The following FGF18 variants were observed in gnomAD, a reference collection of about 807,000 sequenced individuals.
FGF18 encodes the protein fibroblast growth factor 18.
A neutral mutation model predicts 23.0 loss-of-function variants in FGF18; 5 were observed. That is an observed-to-expected ratio of 0.22 (90% confidence interval 0.11 to 0.46). The LOEUF is 0.46. Ranked by LOEUF, FGF18 falls within the 20% of genes least tolerant of loss-of-function variation. The probability of loss-of-function intolerance (pLI) is 0.99; values close to 1 mark genes in which losing one functional copy is unlikely to be tolerated. For missense variants in FGF18, 180 were observed against 291.6 expected (o/e 0.62, Z 2.79); for synonymous variants, 117 against 118.9 (o/e 0.98, Z 0.10).
intron 2 of FGF18, among the ~76,000 whole-genome samples, chr5:171,427,501 A>T (rs1772109008): frequency 6.6e-6 from 1 of 152,096 alleles, no homozygotes; most frequent in Non-Finnish European, 1.5e-5. Context: ...ACCACTCAAG[A>T]CTGTGTGGCC....
At chr5:171,427,518 G>A (rs1025698615) in intron 2 of FGF18, among the ~76,000 whole-genome samples, 4 of 152,158 alleles carry the variant, frequency 2.6e-5, no homozygotes, top group African/African-American at 7.2e-5. Flanking sequence ...GGCCTTGGGC[G>A]AGGCCCTTAA....
intron 3 of FGF18, among the ~76,000 whole-genome samples, chr5:171,437,883 T>G (rs1362427974): frequency 6.6e-6 from 1 of 152,102 alleles, no homozygotes; most frequent in Non-Finnish European, 1.5e-5. Flanking sequence ...GTCCACGCCC[T>G]GAGACAGGAG....
Position 171,449,079 on chromosome 5 carries a change from T to G in FGF18, c.251-68T>G, listed in dbSNP as rs1038158120. 3.5e-5 allele frequency: 42 copies of G among 1,187,512 alleles called. 1 individual carries two copies. In the Middle Eastern group the frequency reaches 9.5e-4, roughly 27 times the overall value. The allele number at this position is 1,187,512 out of a possible 1,614,324, so 73.6% of individuals were successfully genotyped here. ...AAGATAGGACCAGGGACCATGTCAC[T>G]GAGCCTTTAGACCAAGCCATTGCCC... On this transcript the variant is annotated intron_variant, in intron 3 of 4. Transcript: ENST00000274625.
intron 2 of FGF18, among the ~76,000 whole-genome samples, chr5:171,422,875 A>C (rs1772036953): frequency 6.6e-6 from 1 of 152,122 alleles, no homozygotes; most frequent in Non-Finnish European, 1.5e-5. Flanking sequence ...CTCTCTGTGG[A>C]TCCCCAGAGT....
chr5:171,424,231 T>G (rs1394632899), intron 2 of FGF18, among the ~76,000 whole-genome samples: 1 of 152,218 alleles, frequency 6.6e-6, no homozygotes, highest in Non-Finnish European at 1.5e-5. Flanking sequence ...AACAGAGCCT[T>G]GTCTATTCTG....
intron 2 of FGF18, among the ~76,000 whole-genome samples, chr5:171,433,513 GCCCA>G (rs1252145878): frequency 6.6e-6 from 1 of 152,180 alleles, no homozygotes; most frequent in Non-Finnish European, 1.5e-5. Flanking sequence ...CCGGACAAAT[GCCCA>G]CCAGGTGTGG....
chr5:171,434,130 A>G lies in FGF18; in HGVS notation c.70-1963A>G, dbSNP rs1051569315. Among the ~76,000 whole-genome samples, 1 of 152,166 alleles carries G rather than the reference A, an allele frequency of 6.6e-6. No homozygotes were observed. Among genetic ancestry groups the G allele is most frequent in the Non-Finnish European group, 1.5e-5 (1 of 68,022 alleles). On this transcript the variant is annotated intron_variant, in intron 2 of 4. Transcript: ENST00000274625. This position sits in a 1 kb window ranked among gnomAD's most constrained non-coding sequence, Gnocchi z 4.6. ...ACTGGTGGGGCAGGCAGGGCCCCGC[A>G]AGGCAGTGGCCTGGGGCTGCCCGCA...
chr5:171,445,772 C>T (rs779515246), intron 3 of FGF18, among the ~76,000 whole-genome samples: 13 of 152,012 alleles, frequency 8.6e-5, no homozygotes, highest in Non-Finnish European at 5.9e-5. Flanking sequence ...CTGGAGGGGA[C>T]GGTGGCCCGG....
At chr5:171,433,356 C>T (rs756765236) in intron 2 of FGF18, among the ~76,000 whole-genome samples, 3 of 152,144 alleles carry the variant, frequency 2.0e-5, no homozygotes, top group Admixed American at 1.3e-4. Context: ...ATTGGTTTGA[C>T]CTCTGGTCGA....
chr5:171,420,287 G>C, intron 1 of FGF18, 56 bp downstream of exon 1: 1 of 1,606,924 alleles, frequency 6.2e-7, no homozygotes, highest in South Asian at 1.1e-5. Context: ...CCGTATGCCT[G>C]TGCCCTGTAC....
chr5:171,449,981 A>G (rs559274049), intron 4 of FGF18, among the ~76,000 whole-genome samples: 1 of 151,746 alleles, frequency 6.6e-6, no homozygotes, highest in African/African-American at 2.4e-5. Flanking sequence ...GGGTGTTCCA[A>G]TGGAAGGTGT....
At chr5:171,444,238 G>A (rs948350218) in intron 3 of FGF18, among the ~76,000 whole-genome samples, 2 of 152,030 alleles carry the variant, frequency 1.3e-5, no homozygotes, top group African/African-American at 4.8e-5. Context: ...TCACTCACTC[G>A]CTCCCCAGGA....
rs1772503973 is a variant in FGF18 at position 171,451,282 on chromosome 5, C to T, written c.357+2029C>T. On this transcript the variant is annotated intron_variant, in intron 4 of 4. Coordinates refer to ENST00000274625, the MANE Select transcript of FGF18 (RefSeq NM_003862.3). The surrounding 1 kb of genome is among the most constrained non-coding windows in gnomAD (Gnocchi z 4.5). ...CTCCACGCCCGACCCCAACCCTTGC[C>T]AGCCTCCTGTCTTCTGGGCCCACCC... 6.6e-6 allele frequency among the ~76,000 whole-genome samples: 1 copy of T among 152,198 alleles called. No individual in the cohort carries two copies. Among genetic ancestry groups the T allele is most frequent in the African/African-American group, 2.4e-5 (1 of 41,460 alleles).
intron 3 of FGF18, 77 bp from the exon 4 acceptor site, chr5:171,449,070 C>A: frequency 1.9e-6 from 2 of 1,073,646 alleles, no homozygotes; most frequent in Non-Finnish European, 2.9e-6. Context: ...GGACCAGGGA[C>A]CATGTCACTG....
chr5:171,449,360 C>A, intron 4 of FGF18, 107 bp downstream of exon 4: 6 of 184,218 alleles, frequency 3.3e-5, no homozygotes, highest in Non-Finnish European at 2.2e-5. Context: ...GAAAACAGGC[C>A]GTGTGTGTGT....
At chr5:171,431,881 T>C (rs1347982558) in intron 2 of FGF18, among the ~76,000 whole-genome samples, 1 of 151,936 alleles carries the variant, frequency 6.6e-6, no homozygotes, top group Non-Finnish European at 1.5e-5. Context: ...CAACCCTGTC[T>C]CTACCAAAAA....
intron 2 of FGF18, among the ~76,000 whole-genome samples, chr5:171,426,415 T>C (rs1360115080): frequency 6.6e-6 from 1 of 152,204 alleles, no homozygotes; most frequent in Non-Finnish European, 1.5e-5. Context: ...TAAGACCCCA[T>C]GGCAGTGCAT....
rs892964535 is a variant in FGF18 at position 171,419,820 on chromosome 5, T to A, written c.-380T>A. ...CCGGGCCGGAGAGCGCAACTCGGCT[T>A]CCAGACCCGCCGCGCATGCTGTCCC... On this transcript the variant is annotated 5_prime_UTR_variant, in exon 1 of 5. Transcript: ENST00000274625. The A allele has an allele frequency of 1.3e-5, 2 of 151,640 alleles. No individual in the cohort carries two copies. Among genetic ancestry groups the A allele is most frequent in the Non-Finnish European group, 2.9e-5 (2 of 68,112 alleles). 9.4% of individuals were successfully genotyped at this position (151,640 alleles called of 1,614,324 possible).
chr5:171,443,500 CATTTTTTTTTTTTTTTTTT>C (rs1772375724), intron 3 of FGF18, among the ~76,000 whole-genome samples: 1 of 70,416 alleles, frequency 1.4e-5, no homozygotes, highest in African/African-American at 4.2e-5. Context: ...CTGTTATCAT[CATTTTTTTTTTTTTTTTTT>C]TTTTTTTTTT....
Sources: allele counts gnomAD v4.1 joint callset (sites outside exome capture counted in the v4.1 genomes callset), GRCh38; gene constraint gnomAD v4.1.1; non-coding constraint Gnocchi (gnomAD v3.1); transcripts MANE v1.5; gene names NCBI Gene and HGNC (gene_info 2026-07-23, HGNC 2026-07-21).